The following KCNH7 variants were observed in gnomAD, a reference collection of about 807,000 sequenced individuals.
KCNH7 encodes potassium voltage-gated channel subfamily H member 7.
Under a neutral mutation model 120.8 loss-of-function variants are expected in KCNH7, and 49 were observed. The observed-to-expected ratio is 0.41, with a 90% confidence interval of 0.32 to 0.51. The LOEUF is 0.51. Among genes scored for constraint, KCNH7 ranks in the 20% least tolerant of loss-of-function variants. KCNH7 has a pLI of 0.38. For missense variants in KCNH7, 1,097 were observed against 1,446.6 expected (o/e 0.76, Z 3.92); for synonymous variants, 547 against 516.1 (o/e 1.06, Z -0.81).
chr2:162,754,633 G>T (rs1422470221), intron 2 of KCNH7, among the ~76,000 whole-genome samples: 2 of 152,074 alleles, frequency 1.3e-5, no homozygotes, highest in South Asian at 2.1e-4. Flanking sequence ...AGCAAGTCCA[G>T]GAAAAGAAAC....
intron 2 of KCNH7, among the ~76,000 whole-genome samples, chr2:162,551,062 T>C (rs1692652632): frequency 6.6e-6 from 1 of 152,118 alleles, no homozygotes; most frequent in South Asian, 2.1e-4. Flanking sequence ...TAGACTTAGT[T>C]CTGTGTGGTG....
In KCNH7 at chr2:162,538,229, A is replaced by C. The variant is rs1692177614; in HGVS notation, c.308-1149T>G. 2.0e-5 allele frequency among the ~76,000 whole-genome samples: 3 copies of C among 152,152 alleles called. 1 individual carries two copies. In the South Asian group the frequency reaches 6.2e-4, roughly 32 times the overall value. On this transcript the variant is annotated intron_variant, in intron 2 of 15. Transcript: ENST00000332142. Reference sequence around the variant, plus strand: ...AACATTGAGCATATTTTATTTACTTATTATTATTTTTTTAGCTCATCAGCT... The same window carrying C: ...AACATTGAGCATATTTTATTTACTTCTTATTATTTTTTTAGCTCATCAGCT...
chr2:162,384,688 C>T lies in KCNH7; in HGVS notation c.2962G>A (p.Asp988Asn), dbSNP rs755837138. The T allele has an allele frequency of 6.2e-7, 1 of 1,611,736 alleles. No homozygotes were observed. The highest frequency in any genetic ancestry group is 8.5e-7 in the Non-Finnish European group (1 of 1,178,594). Residue 988 changes from aspartate to asparagine, a missense_variant and splice_region_variant, in exon 13 of 16, where the codon GAT becomes AAT. Physicochemically the swap from Asp to Asn is conservative, Grantham distance 23 (BLOSUM62 1). This residue lies in a region of KCNH7 where 406 missense variants were observed against 410.5 expected (regional missense o/e 0.99). Coordinates refer to ENST00000332142, the MANE Select transcript of KCNH7 (RefSeq NM_033272.4). ...CACCTGATGTCTAACTCTGGATTAC[C>T]TTTGCAAGAGTGACTTCTTTTATCT... ...HIDKRSHSCK[D>N]ITDMRSWERE... is the part of the protein sequence containing the mutation.
chr2:162,677,537 A>C (rs1685568006), intron 2 of KCNH7, among the ~76,000 whole-genome samples: 1 of 151,504 alleles, frequency 6.6e-6, no homozygotes, highest in Admixed American at 6.6e-5. Flanking sequence ...TCTTATTGCC[A>C]TATAATATTC....
intron 2 of KCNH7, among the ~76,000 whole-genome samples, chr2:162,815,359 T>C (rs1192388170): frequency 1.3e-5 from 2 of 152,210 alleles, no homozygotes; most frequent in East Asian, 3.9e-4. Context: ...AACATAAATA[T>C]GTGTTCAATA....
intron 2 of KCNH7, among the ~76,000 whole-genome samples, chr2:162,827,858 C>A (rs1306038384): frequency 1.3e-5 from 2 of 152,116 alleles, no homozygotes; most frequent in African/African-American, 2.4e-5. Flanking sequence ...CCAAAGCTGT[C>A]ATGAAAATCA....
intron 6 of KCNH7, among the ~76,000 whole-genome samples, chr2:162,449,122 A>T (rs953343565): frequency 2.3e-4 from 35 of 152,084 alleles, no homozygotes; most frequent in African/African-American, 8.2e-4. Flanking sequence ...AAGCAGCCTT[A>T]TATTTTACTA....
intron 6 of KCNH7, among the ~76,000 whole-genome samples, chr2:162,475,807 C>G (rs1424667071): frequency 6.6e-6 from 1 of 152,186 alleles, no homozygotes; most frequent in Non-Finnish European, 1.5e-5. Flanking sequence ...ACAGTTGGCT[C>G]AGATGAGCTG....
At chr2:162,579,641 A>G (rs1164323136) in intron 2 of KCNH7, among the ~76,000 whole-genome samples, 1 of 151,958 alleles carries the variant, frequency 6.6e-6, no homozygotes, top group African/African-American at 2.4e-5. Flanking sequence ...CCCTGCAGCA[A>G]AAGGGGACAG....
At position 162,504,528 on chromosome 2, in the gene KCNH7, T is replaced by A; in HGVS notation, c.1043A>T (p.Asn348Ile). 6.2e-7 allele frequency: 1 copy of A among 1,613,098 alleles called. No individual in the cohort carries two copies. Among genetic ancestry groups the A allele is most frequent in the Non-Finnish European group, 8.5e-7 (1 of 1,179,316 alleles). ...TTTATCTGAAGAAGGAGGTGATGAA[T>A]TCTTTTTCTCAGTTTTGACCTCTGA... is the stretch of plus-strand genomic sequence containing the variant. ...NFSEVKTEKK[N>I]SSPPSSDKTI... is the part of the protein sequence containing the mutation. The change falls in exon 6 of 16, where the codon AAT (asparagine) becomes ATT (isoleucine). Residue 348 changes from asparagine to isoleucine, a missense_variant. Asn to Ile is a moderately radical substitution (Grantham distance 149, BLOSUM62 -3). Coordinates refer to ENST00000332142, the MANE Select transcript of KCNH7 (RefSeq NM_033272.4).
At chr2:162,577,370 T>C (rs1366567528) in intron 2 of KCNH7, among the ~76,000 whole-genome samples, 3 of 150,532 alleles carry the variant, frequency 2.0e-5, no homozygotes, top group Non-Finnish European at 2.9e-5. Context: ...TCTATCTATC[T>C]ATCTATCTAT....
chr2:162,435,114 T>G, intron 8 of KCNH7, 84 bp downstream of exon 8: 1 of 1,274,260 alleles, frequency 7.8e-7, no homozygotes, highest in Non-Finnish European at 1.1e-6. Context: ...AATCTTTTTC[T>G]TTGCCTTACT....
intron 2 of KCNH7, among the ~76,000 whole-genome samples, chr2:162,576,520 G>GC (rs35950452): frequency 0.57 from 86,029 of 151,802 alleles, 24,997 homozygotes; most frequent in Admixed American, 0.68. Flanking sequence ...AATGAAATTA[G>GC]TACTCCTTCC....
chr2:162,376,381 T>G (rs1346520993), intron 14 of KCNH7, among the ~76,000 whole-genome samples: 1 of 151,924 alleles, frequency 6.6e-6, no homozygotes, highest in Non-Finnish European at 1.5e-5. Flanking sequence ...TTTTTTTTTT[T>G]TTTAGATGGA....
intron 2 of KCNH7, among the ~76,000 whole-genome samples, chr2:162,768,288 A>G (rs1682901769): frequency 1.3e-5 from 2 of 152,178 alleles, no homozygotes; most frequent in African/African-American, 2.4e-5. Flanking sequence ...ACAACTTTGG[A>G]GAAAGGCCTC....
intron 2 of KCNH7, among the ~76,000 whole-genome samples, chr2:162,547,583 C>T (rs1383059933): frequency 2.0e-5 from 3 of 152,134 alleles, no homozygotes; most frequent in Non-Finnish European, 4.4e-5. Flanking sequence ...GGAAGTACAT[C>T]CACTAAATAT....
At chr2:162,414,753 C>A (rs1051410414) in intron 9 of KCNH7, among the ~76,000 whole-genome samples, 1 of 151,890 alleles carries the variant, frequency 6.6e-6, no homozygotes, top group Non-Finnish European at 1.5e-5. Flanking sequence ...ATAAAAAAAT[C>A]TTAAAAATGT....
In KCNH7 at chr2:162,738,857, A is replaced by G. The variant is rs570199742; in HGVS notation, c.307+97680T>C. Among the ~76,000 whole-genome samples, 6 of 152,288 alleles carry G rather than the reference A, an allele frequency of 3.9e-5. No homozygotes were observed. The South Asian group carries it at 1.2e-3, about 32-fold the overall frequency. On this transcript the variant is annotated intron_variant, in intron 2 of 15. Transcript: ENST00000332142. ...ACAATAAAGTTGCCTATATGCCTCC[A>G]CCCATATCCATGCTAAACTCTGTTG...
chr2:162,451,230 T>A (rs1183297751), intron 6 of KCNH7, among the ~76,000 whole-genome samples: 2 of 152,046 alleles, frequency 1.3e-5, no homozygotes, highest in African/African-American at 4.8e-5. Flanking sequence ...ATATTTTTTA[T>A]AAAAGTAGTT....
Sources: allele counts gnomAD v4.1 joint callset (sites outside exome capture counted in the v4.1 genomes callset), GRCh38; gene constraint gnomAD v4.1.1; regional missense constraint gnomAD v4.1.1; transcripts MANE v1.5; gene names NCBI Gene and HGNC (gene_info 2026-07-23, HGNC 2026-07-21).